The following ZNF266 variants were observed in gnomAD, a reference collection of about 807,000 sequenced individuals.
ZNF266 encodes the protein zinc finger protein 1.
A neutral mutation model predicts 16.4 loss-of-function variants in ZNF266; 16 were observed. That is an observed-to-expected ratio of 0.98 (90% CI 0.66 to 1.48). The LOEUF is 1.48. ZNF266 is among the 40% of genes most tolerant of loss of function. ZNF266 has a pLI of 0.00. For missense variants in ZNF266, 738 were observed against 689.1 expected (o/e 1.07, Z -0.79); for synonymous variants, 262 against 237.9 (o/e 1.10, Z -0.93).
rs1411015310 is a variant in ZNF266, at chr19:9,413,788, G to C, written c.1338C>G (p.Pro446=). ...KHARTHSGER[P]YECKECGKAF... ...CCTTTCCACATTCCTTACATTCATA[G>C]GGCCTCTCTCCACTGTGAGTTCGTG... is the stretch of plus-strand genomic sequence containing the variant. Residue 446 remains proline (P), a synonymous_variant, in exon 11 of 11, where the codon CCC becomes CCG. Coordinates refer to ENST00000592904, the MANE Select transcript of ZNF266 (RefSeq NM_001370374.1). 2 of 1,614,092 alleles carry C rather than the reference G, an allele frequency of 1.2e-6. No homozygotes were observed. The highest frequency in any genetic ancestry group is 1.7e-5 in the Admixed American group (1 of 60,016).
At chr19:9,418,945 T>G in intron 7 of ZNF266, 1 of 202,500 alleles carries the variant, frequency 4.9e-6, no homozygotes, top group South Asian at 9.7e-5. Flanking sequence ...TCCCTTACCA[T>G]GTGTCAGAAC....
In ZNF266 at chr19:9,414,073, A is replaced by G; in HGVS notation, c.1053T>C (p.Ser351=). 1.2e-6 allele frequency: 2 copies of G among 1,614,000 alleles called. No individual in the cohort carries two copies. Among genetic ancestry groups the G allele is most frequent in the South Asian group, 2.2e-5 (2 of 91,070 alleles). The change falls in exon 11 of 11, where the codon AGT becomes AGC. Residue 351 remains serine, a synonymous_variant. Transcript: ENST00000592904. The part of the protein sequence containing the change: ...GRAFTVSSCL[S]QHMKIHVGEK... ...CACCCACATGGATTTTCATATGTTG[A>G]CTTAAGCAAGAGGAAACAGTGAAGG...
Position 9,413,207 on chromosome 19 carries a change from G to A in ZNF266, c.*68C>T. 3 of 1,515,770 alleles carry A rather than the reference G, an allele frequency of 2.0e-6. No homozygotes were observed. The highest frequency in any genetic ancestry group is 2.6e-6 in the Non-Finnish European group (3 of 1,134,168). 93.9% of individuals were successfully genotyped at this position (1,515,770 alleles called of 1,614,324 possible). On this transcript the variant is annotated 3_prime_UTR_variant, in exon 11 of 11. Transcript: ENST00000592904. Reference sequence around the variant, plus strand: ...TGCTTCCACATTTTTACATTCATAGGGTTTCTCCCCAGTGAGTTTTCATGT... The same window carrying A: ...TGCTTCCACATTTTTACATTCATAGAGTTTCTCCCCAGTGAGTTTTCATGT...
Position 9,414,335 on chromosome 19 carries a change from G to A in ZNF266, c.791C>T (p.Thr264Ile). ...AGTTTGTATACGCACAGCAAGGTCTGTGGAGTGAATAAAGCCTCTCCCACA... is the reference window on the plus strand; with the variant it reads ...AGTTTGTATACGCACAGCAAGGTCTATGGAGTGAATAAAGCCTCTCCCACA... The part of the protein sequence containing the change: ...KECGRGFIHS[T>I]DLAVRIQTHR... The change falls in exon 11 of 11, where the codon ACA becomes ATA. Residue 264 changes from threonine (T) to isoleucine (I), a missense_variant. Coordinates refer to ENST00000592904, the MANE Select transcript of ZNF266 (RefSeq NM_001370374.1). The A allele has an allele frequency of 6.2e-7, 1 of 1,614,088 alleles. No individual in the cohort carries two copies. The highest frequency in any genetic ancestry group is 8.5e-7 in the Non-Finnish European group (1 of 1,179,968).
chr19:9,415,598 G>A (rs2068852980), intron 10 of ZNF266, 56 bp downstream of exon 10: 1 of 1,413,594 alleles, frequency 7.1e-7, no homozygotes, highest in Non-Finnish European at 1.0e-6. Flanking sequence ...TTTCTATAAT[G>A]GAATCCCCAA....
chr19:9,413,782 T>C lies in ZNF266; in HGVS notation c.1344A>G (p.Glu448=), dbSNP rs2068575067. ...CAAAGGCCTTTCCACATTCCTTACA[T>C]TCATAGGGCCTCTCTCCACTGTGAG... The part of the protein sequence containing the change: ...ARTHSGERPY[E]CKECGKAFAR... The change falls in exon 11 of 11, where the codon GAA becomes GAG. Residue 448 remains glutamate, a synonymous_variant. Transcript: ENST00000592904. 1 of 1,614,136 alleles carries C rather than the reference T, an allele frequency of 6.2e-7. No homozygotes were observed. Among genetic ancestry groups the C allele is most frequent in the Non-Finnish European group, 8.5e-7 (1 of 1,180,016 alleles).
intron 5 of ZNF266, among the ~76,000 whole-genome samples, chr19:9,421,895 A>G (rs559651639): frequency 8.6e-5 from 13 of 151,568 alleles, no homozygotes; most frequent in Non-Finnish European, 1.5e-4. Context: ...TCTGTCACCC[A>G]GGCTGGAGTG....
chr19:9,431,060 G>A (rs574496224), intron 5 of ZNF266, among the ~76,000 whole-genome samples: 8 of 152,286 alleles, frequency 5.3e-5, no homozygotes, highest in Admixed American at 1.3e-4. Context: ...CCTCTTGGTC[G>A]GGACAGAGCT....
chr19:9,432,107 C>G (rs556400748), intron 5 of ZNF266, among the ~76,000 whole-genome samples: 1 of 147,080 alleles, frequency 6.8e-6, no homozygotes, highest in Non-Finnish European at 1.5e-5. Context: ...AGGCACCCAC[C>G]ACCATGCCCG....
chr19:9,418,696 G>A (rs1318844477), intron 7 of ZNF266, 65 bp from the exon 8 acceptor site: 2 of 810,388 alleles, frequency 2.5e-6, no homozygotes, highest in Non-Finnish European at 4.2e-6. Flanking sequence ...ACTGCAAAAT[G>A]CAATACCTAC....
In ZNF266 at chr19:9,412,568, G is replaced by C. The variant is rs1021921799; in HGVS notation, c.*707C>G. On this transcript the variant is annotated 3_prime_UTR_variant, in exon 11 of 11. Coordinates refer to ENST00000592904, the MANE Select transcript of ZNF266 (RefSeq NM_001370374.1). ...GTTCCTCACAGTATTAGTTTCCTAG[G>C]GTTGCTGTACAAAATAACAGACTGA... is the stretch of plus-strand genomic sequence containing the variant. The C allele has an allele frequency of 3.9e-4, 60 of 152,260 alleles. No homozygotes were observed. Among genetic ancestry groups the C allele is most frequent in the African/African-American group, 1.4e-3 (58 of 41,550 alleles). 9.4% of individuals were successfully genotyped at this position (152,260 alleles called of 1,614,324 possible).
At chr19:9,422,671 G>T (rs1337362574) in intron 5 of ZNF266, among the ~76,000 whole-genome samples, 2 of 152,178 alleles carry the variant, frequency 1.3e-5, no homozygotes, top group African/African-American at 4.8e-5. Context: ...CTTTCCCCGA[G>T]TCCAATGACT....
chr19:9,416,825 C>T (rs1036787686), intron 9 of ZNF266, among the ~76,000 whole-genome samples: 1 of 151,438 alleles, frequency 6.6e-6, no homozygotes, highest in African/African-American at 2.4e-5. Flanking sequence ...GAGTGCGCCA[C>T]CACGCCCAGC....
intron 5 of ZNF266, among the ~76,000 whole-genome samples, chr19:9,422,445 AACT>A (rs1042884278): frequency 3.3e-5 from 5 of 152,172 alleles, no homozygotes; most frequent in Admixed American, 2.6e-4. Flanking sequence ...AAATGCATTG[AACT>A]ACTCAAAGAA....
Position 9,414,039 on chromosome 19 carries a change from A to G in ZNF266, c.1087T>C (p.Tyr363His), listed in dbSNP as rs78504948. 16,934 of 1,614,068 alleles carry G rather than the reference A, an allele frequency of 0.01. 148 individuals carry two copies. Among genetic ancestry groups the G allele is most frequent in the African/African-American group, 0.044 (3,336 of 74,986 alleles). ...HMKIHVGEKP[Y>H]ECKECGIAFT... ...GCTATCCCACATTCCTTGCATTCAT[A>G]AGGCTTCTCACCCACATGGATTTTC... The change falls in exon 11 of 11, where the codon TAT (tyrosine) becomes CAT (histidine). Residue 363 changes from tyrosine (Y) to histidine (H), a missense_variant. Tyr to His is a moderately conservative substitution (Grantham distance 83). Coordinates refer to ENST00000592904, the MANE Select transcript of ZNF266 (RefSeq NM_001370374.1).
chr19:9,419,900 CAAAAAAAAAAAA>C (rs1218476753), intron 6 of ZNF266, 153 bp downstream of exon 6: 1 of 75,150 alleles, frequency 1.3e-5, no homozygotes, highest in African/African-American at 4.8e-5. Flanking sequence ...GACTCTGTCT[CAAAAAAAAAAAA>C]AAAAAAAGGA....
chr19:9,427,197 C>T (rs1444386744), intron 5 of ZNF266, among the ~76,000 whole-genome samples: 3 of 152,180 alleles, frequency 2.0e-5, no homozygotes, highest in African/African-American at 7.2e-5. Context: ...TGGATTACTA[C>T]AGCCTTCATA....
intron 5 of ZNF266, among the ~76,000 whole-genome samples, chr19:9,428,736 C>T (rs1174735536): frequency 6.6e-6 from 1 of 151,708 alleles, no homozygotes; most frequent in African/African-American, 2.4e-5. Flanking sequence ...AAAAAAAACC[C>T]TGGGAATCTC....
chr19:9,434,005 T>G (rs898034667), intron 4 of ZNF266, 70 bp downstream of exon 4: 3 of 152,138 alleles, frequency 2.0e-5, no homozygotes, highest in Non-Finnish European at 4.4e-5. Context: ...TTTCCTGTCA[T>G]ACATTTAAGA....
Sources: gnomAD v4.1 joint callset for allele counts (sites outside exome capture counted in the v4.1 genomes callset) on GRCh38, gnomAD v4.1.1 for gene constraint, MANE v1.5 for transcripts, NCBI Gene and HGNC (gene_info 2026-07-23, HGNC 2026-07-21) for gene names.